Variants in EPHA4 observed in about 807,000 individuals in gnomAD.
EPHA4 encodes ephrin type-A receptor 4.
In EPHA4, 19 loss-of-function variants were observed where a neutral mutation model predicts 108.3. The observed-to-expected ratio is 0.18, with a 90% CI of 0.12 to 0.26. The LOEUF (loss-of-function observed/expected upper bound fraction) is 0.26. EPHA4 is among the 10% of genes least tolerant of loss of function. The probability of loss-of-function intolerance (pLI) is 1.00; values close to 1 mark genes in which losing one functional copy is unlikely to be tolerated. For synonymous variants in EPHA4, 449 were observed against 455.5 expected (o/e 0.99, Z 0.18); for missense variants, 917 against 1,254.0 (o/e 0.73, Z 4.06).
At chr2:221,518,778 A>G (rs1559276446) in intron 3 of EPHA4, among the ~76,000 whole-genome samples, 1 of 152,190 alleles carries the variant, frequency 6.6e-6, no homozygotes, top group Non-Finnish European at 1.5e-5. Flanking sequence ...CTTGCCAAAA[A>G]GGAAACAGCA....
chr2:221,504,244 T>C (rs1254007247), intron 3 of EPHA4, among the ~76,000 whole-genome samples: 1 of 152,204 alleles, frequency 6.6e-6, no homozygotes. Context: ...AGATATGCCA[T>C]GGAGAAAAGA....
chr2:221,538,767 G>A (rs1043767253), intron 3 of EPHA4, among the ~76,000 whole-genome samples: 1 of 152,122 alleles, frequency 6.6e-6, no homozygotes, highest in Non-Finnish European at 1.5e-5. Context: ...AATACATGAT[G>A]TATTCGGTGA....
At chr2:221,548,536 C>A (rs527526068) in intron 3 of EPHA4, among the ~76,000 whole-genome samples, 5 of 151,770 alleles carry the variant, frequency 3.3e-5, no homozygotes, top group African/African-American at 1.2e-4. Flanking sequence ...AACCATGAGA[C>A]AATTAAACCA....
At chr2:221,449,255 T>TC in intron 8 of EPHA4, among the ~76,000 whole-genome samples, 1 of 152,190 alleles carries the variant, frequency 6.6e-6, no homozygotes. Context: ...TTGCCTTGGC[T>TC]CAGTGTAGGA....
intron 3 of EPHA4, among the ~76,000 whole-genome samples, chr2:221,527,854 G>T (rs887455492): frequency 1.3e-5 from 2 of 152,098 alleles, no homozygotes; most frequent in African/African-American, 4.8e-5. Context: ...GTCGGAGCAG[G>T]GTGGAGTCCA....
chr2:221,475,856 G>T (rs941069771), intron 5 of EPHA4, among the ~76,000 whole-genome samples: 1 of 152,176 alleles, frequency 6.6e-6, no homozygotes, highest in African/African-American at 2.4e-5. Context: ...ATTCGATTTG[G>T]CCCTTGGGCC....
At chr2:221,521,189 T>C (rs970023289) in intron 3 of EPHA4, among the ~76,000 whole-genome samples, 1 of 152,238 alleles carries the variant, frequency 6.6e-6, no homozygotes, top group Non-Finnish European at 1.5e-5. Flanking sequence ...CTGTTGTGAA[T>C]GTCAATGAAC....
rs770767700 is a variant in EPHA4 at position 221,563,723 on chromosome 2, C to G, written c.823+8G>C. 1.2e-6 allele frequency: 2 copies of G among 1,612,446 alleles called. No homozygotes were observed. The highest frequency in any genetic ancestry group is 2.7e-5 in the African/African-American group (2 of 74,946). ...CCAGTGAAAAAACTGCAATATGGACCCTCTTACCTTGGCATTCTCCGCTCC... is the reference window on the plus strand; with the variant it reads ...CCAGTGAAAAAACTGCAATATGGACGCTCTTACCTTGGCATTCTCCGCTCC... On this transcript the variant is annotated splice_region_variant and intron_variant, in intron 3 of 17. Coordinates refer to ENST00000281821, the MANE Select transcript of EPHA4 (RefSeq NM_004438.5).
In EPHA4 at chr2:221,467,509, T is replaced by G. The variant is rs1358871058; in HGVS notation, c.1319-9519A>C. On this transcript the variant is annotated intron_variant, in intron 5 of 17. Transcript: ENST00000281821. ...TGCAAATTAGAGCTTTTGCAACTTT[T>G]TAATCATTATACTGAAACATACAGC... is the stretch of plus-strand genomic sequence containing the variant. Among the ~76,000 whole-genome samples the G allele has an allele frequency of 2.0e-5, 3 of 152,230 alleles. No homozygotes were observed. In the East Asian group the frequency reaches 5.8e-4, roughly 29 times the overall value.
chr2:221,430,640 C>G (rs531774221), intron 14 of EPHA4, among the ~76,000 whole-genome samples: 1 of 152,208 alleles, frequency 6.6e-6, no homozygotes, highest in Non-Finnish European at 1.5e-5. Flanking sequence ...CTTACATAGA[C>G]AGCCAGTGTG....
At chr2:221,565,476 A>G (rs963467597) in intron 2 of EPHA4, among the ~76,000 whole-genome samples, 8 of 152,228 alleles carry the variant, frequency 5.3e-5, no homozygotes, top group Admixed American at 5.2e-4. Flanking sequence ...ACATATGAAT[A>G]TAATTAGAAG....
intron 8 of EPHA4, among the ~76,000 whole-genome samples, chr2:221,452,815 G>T (rs946415842): frequency 2.0e-5 from 3 of 152,058 alleles, no homozygotes; most frequent in Non-Finnish European, 4.4e-5. Flanking sequence ...GATGCATCCT[G>T]CTATCAATCC....
chr2:221,456,172 T>TA (rs79021977), intron 7 of EPHA4, among the ~76,000 whole-genome samples: 6,373 of 140,588 alleles, frequency 0.045, 142 homozygotes, highest in African/African-American at 0.056. Flanking sequence ...AAAGGGTCTT[T>TA]AAAAAAAAAA....
upstream of EPHA4, chr2:221,573,626 C>T (rs1179976358): frequency 6.6e-6 from 1 of 152,162 alleles, no homozygotes; most frequent in East Asian, 1.9e-4. This position sits in a 1 kb window ranked among gnomAD's most constrained non-coding sequence, Gnocchi z 4.5. Context: ...TCCCGGCGGC[C>T]GGGCGGCCGC....
intron 3 of EPHA4, among the ~76,000 whole-genome samples, chr2:221,522,748 TA>T (rs1693200410): frequency 3.1e-5 from 1 of 32,478 alleles, no homozygotes; most frequent in Admixed American, 2.9e-4. Context: ...TTATTATTAT[TA>T]TTATTATTAT....
At position 221,420,140 on chromosome 2, in the gene EPHA4, C is replaced by T. The variant is rs1689711366; in HGVS notation, c.*1232G>A. 1 of 152,642 alleles carries T rather than the reference C, an allele frequency of 6.6e-6. No homozygotes were observed. The highest frequency in any genetic ancestry group is 1.5e-5 in the Non-Finnish European group (1 of 68,052). The allele number at this position is 152,642 out of a possible 1,614,324, so 9.5% of individuals were successfully genotyped here. A position where few individuals can be genotyped will look rare whatever the true frequency, so the allele number is the denominator to read the frequency against. ...TTTGTTTTGTGTGGTTGCACCTGACCTGGTGTCCATAGTAAGACCTGTAGC... is the reference window on the plus strand; with the variant it reads ...TTTGTTTTGTGTGGTTGCACCTGACTTGGTGTCCATAGTAAGACCTGTAGC... On this transcript the variant is annotated 3_prime_UTR_variant, in exon 18 of 18. Coordinates refer to ENST00000281821, the MANE Select transcript of EPHA4 (RefSeq NM_004438.5).
rs1238780896 is a variant in EPHA4 at position 221,482,367 on chromosome 2, T to A, written c.1303A>T (p.Thr435Ser). 1 of 1,603,436 alleles carries A rather than the reference T, an allele frequency of 6.2e-7. No individual in the cohort carries two copies. Among genetic ancestry groups the A allele is most frequent in the Non-Finnish European group, 8.5e-7 (1 of 1,172,234 alleles). The change falls in exon 5 of 18, where the codon ACC (threonine) becomes TCC (serine). Residue 435 changes from threonine (T) to serine (S), a missense_variant. Thr to Ser is a moderately conservative substitution (Grantham distance 58, BLOSUM62 1). Around this residue, in one of 3 missense-constraint regions of EPHA4, gnomAD observed 758 missense variants for 1,076.7 expected, o/e 0.70. Transcript: ENST00000281821. ...NPDQSVSVTV[T>S]TNQAAPSSIA... ...CAATTCCTACCTGCTTGGTTGGTGG[T>A]CACAGTGACAGAAACTGATTGGTCT...
At chr2:221,470,568 T>C (rs1691449805) in intron 5 of EPHA4, among the ~76,000 whole-genome samples, 1 of 149,426 alleles carries the variant, frequency 6.7e-6, no homozygotes, top group Non-Finnish European at 1.5e-5. Flanking sequence ...AAGTATCACT[T>C]TAGGGAACCT....
At position 221,418,306 on chromosome 2, in the gene EPHA4, G is replaced by T. The variant is rs1302380500; in HGVS notation, c.*3066C>A. Reference sequence around the variant, plus strand: ...TTCAGTATGAACTAAATTATAATATGCCTTATACATTCTAATTTGAACCAC... The same window carrying T: ...TTCAGTATGAACTAAATTATAATATTCCTTATACATTCTAATTTGAACCAC... On this transcript the variant is annotated 3_prime_UTR_variant, in exon 18 of 18. Transcript: ENST00000281821. 2 of 152,622 alleles carry T rather than the reference G, an allele frequency of 1.3e-5. No individual in the cohort carries two copies. Among genetic ancestry groups the T allele is most frequent in the African/African-American group, 2.4e-5 (1 of 41,440 alleles). 9.5% of individuals were successfully genotyped at this position (152,622 alleles called of 1,614,324 possible). A position where few individuals can be genotyped will look rare whatever the true frequency, so the allele number is the denominator to read the frequency against.
Sources: gnomAD v4.1 joint callset for allele counts (sites outside exome capture counted in the v4.1 genomes callset) on GRCh38, gnomAD v4.1.1 for gene constraint, gnomAD v4.1.1 regional missense constraint, Gnocchi (gnomAD v3.1) non-coding constraint, MANE v1.5 for transcripts, NCBI Gene and HGNC (gene_info 2026-07-23, HGNC 2026-07-21) for gene names.